DGLUCY: variants seen among roughly 807,000 people sequenced by gnomAD.
DGLUCY encodes the protein D-glutamate cyclase.
DGLUCY carries 58 observed loss-of-function variants against 58.5 expected under a neutral mutation model. The ratio of observed to expected loss-of-function variants is 0.99; its 90% CI spans 0.80 to 1.23. The LOEUF (loss-of-function observed/expected upper bound fraction) is 1.23, where lower values mean the gene tolerates loss of function less well. Ranked by LOEUF, DGLUCY falls within the 50% of genes most tolerant of loss-of-function variation. DGLUCY has a pLI of 0.00. For missense variants in DGLUCY, 779 were observed against 784.7 expected (o/e 0.99, Z 0.09); for synonymous variants, 325 against 314.1 (o/e 1.03, Z -0.37).
upstream of DGLUCY, among the ~76,000 whole-genome samples, chr14:91,110,895 C>T (rs2044681555): frequency 6.6e-6 from 1 of 152,194 alleles, no homozygotes; most frequent in African/African-American, 2.4e-5. Flanking sequence ...ATTTCAGTAA[C>T]TCCTCGTTCT....
At chr14:91,169,671 A>G (rs978722392) in intron 4 of DGLUCY, among the ~76,000 whole-genome samples, 1 of 148,940 alleles carries the variant, frequency 6.7e-6, no homozygotes, top group African/African-American at 2.5e-5. Flanking sequence ...CGGCCTCCCA[A>G]AGTGCTGGGA....
intron 1 of DGLUCY, among the ~76,000 whole-genome samples, chr14:91,141,133 C>G (rs141034950): frequency 0.036 from 5,508 of 152,176 alleles, 135 homozygotes; most frequent in Middle Eastern, 0.065. Flanking sequence ...CACCTATAAT[C>G]CCAGCACTTT....
At chr14:91,123,837 C>T (rs1337140334) in intron 1 of DGLUCY, among the ~76,000 whole-genome samples, 3 of 151,962 alleles carry the variant, frequency 2.0e-5, no homozygotes. Context: ...CTTGGCCTGC[C>T]AAAGTGCTGG....
At chr14:91,185,300 T>TTTTTTTTGG (rs2049442640) in intron 8 of DGLUCY, among the ~76,000 whole-genome samples, 1 of 113,796 alleles carries the variant, frequency 8.8e-6, no homozygotes, top group Non-Finnish European at 1.9e-5. Flanking sequence ...TTTTTTTTTT[T>TTTTTTTTGG]GAGACAGGTT....
chr14:91,084,904 G>GA (rs2044186822), intron 1 of DGLUCY, among the ~76,000 whole-genome samples: 1 of 152,312 alleles, frequency 6.6e-6, no homozygotes, highest in Non-Finnish European at 1.5e-5. Context: ...TTTATCAAGG[G>GA]AGGGTGGTGG....
intron 1 of DGLUCY, among the ~76,000 whole-genome samples, chr14:91,071,446 TCAAC>T (rs1452409487): frequency 6.6e-6 from 1 of 151,910 alleles, no homozygotes; most frequent in Non-Finnish European, 1.5e-5. Context: ...TTGAAATTAT[TCAAC>T]CAAGAGATTA....
chr14:91,130,867 T>C (rs1341608791), intron 1 of DGLUCY, among the ~76,000 whole-genome samples: 6 of 152,322 alleles, frequency 3.9e-5, no homozygotes, highest in Middle Eastern at 6.8e-3. Flanking sequence ...TCCCCATTTT[T>C]TTAATGAAGG....
intron 4 of DGLUCY, chr14:91,167,725 C>T (rs576130260): frequency 2.9e-6 from 2 of 696,138 alleles, no homozygotes; most frequent in Admixed American, 2.0e-5. Flanking sequence ...TTACCAACAC[C>T]CAGAGACAGA....
intron 1 of DGLUCY, among the ~76,000 whole-genome samples, chr14:91,151,291 G>A (rs2047323078): frequency 6.6e-6 from 1 of 152,202 alleles, no homozygotes; most frequent in South Asian, 2.1e-4. Context: ...CCAGGCTGGT[G>A]TGCAGTGGCG....
chr14:91,166,809 A>C (rs535636257), intron 3 of DGLUCY, among the ~76,000 whole-genome samples: 1 of 152,198 alleles, frequency 6.6e-6, no homozygotes, highest in Admixed American at 6.5e-5. Flanking sequence ...CTTTAAAAAA[A>C]TCACAGAGGG....
intron 9 of DGLUCY, among the ~76,000 whole-genome samples, chr14:91,191,829 G>A (rs369270854): frequency 3.3e-5 from 5 of 152,304 alleles, no homozygotes; most frequent in African/African-American, 1.2e-4. Context: ...GTAACTGAAA[G>A]GATGGAGTTG....
intron 1 of DGLUCY, among the ~76,000 whole-genome samples, chr14:91,144,278 C>T (rs2046896134): frequency 6.6e-6 from 1 of 152,126 alleles, no homozygotes; most frequent in Non-Finnish European, 1.5e-5. Flanking sequence ...ATGGTCAAAA[C>T]AGGAAGAGCA....
At chr14:91,077,353 AGAAG>A (rs904105881) in intron 1 of DGLUCY, among the ~76,000 whole-genome samples, 12 of 149,510 alleles carry the variant, frequency 8.0e-5, no homozygotes, top group African/African-American at 2.5e-4. Context: ...AAAGAAAGGG[AGAAG>A]GAAGGGAGGG....
At chr14:91,074,136 C>T (rs1353552532) in intron 1 of DGLUCY, among the ~76,000 whole-genome samples, 11 of 141,206 alleles carry the variant, frequency 7.8e-5, no homozygotes, top group African/African-American at 2.9e-4. Flanking sequence ...CACACACACA[C>T]ACACACACAC....
chr14:91,224,406 A>G lies in DGLUCY; in HGVS notation c.1717-278A>G, dbSNP rs1292008770. On this transcript the variant is annotated intron_variant, in intron 13 of 13. Transcript: ENST00000256324. Reference sequence around the variant, plus strand: ...TAAGAAACTATGTTTCCATTAAAGCATATTATTTAGTTACATAACAGTAAC... The same window carrying G: ...TAAGAAACTATGTTTCCATTAAAGCGTATTATTTAGTTACATAACAGTAAC... Among the ~76,000 whole-genome samples the G allele has an allele frequency of 2.6e-5, 4 of 152,162 alleles. No individual in the cohort carries two copies. The East Asian group carries it at 5.8e-4, about 22-fold the overall frequency.
chr14:91,097,935 C>A (rs2044424235), intron 1 of DGLUCY, among the ~76,000 whole-genome samples: 1 of 152,172 alleles, frequency 6.6e-6, no homozygotes, highest in South Asian at 2.1e-4. Flanking sequence ...AAATGTTTAA[C>A]AACCAGCTTT....
chr14:91,224,157 G>A lies in DGLUCY; in HGVS notation c.1717-527G>A, dbSNP rs1329134271. The stretch of plus-strand genomic sequence containing the variant: ...ACAAAGACTATTGGCAGATAATCCA[G>A]GGCTGGGAGGAACTTATTGGCAGGA... On this transcript the variant is annotated intron_variant, in intron 13 of 13. Transcript: ENST00000256324. 2.0e-5 allele frequency among the ~76,000 whole-genome samples: 3 copies of A among 152,210 alleles called. No individual in the cohort carries two copies. In the East Asian group the frequency reaches 5.8e-4, roughly 29 times the overall value.
At position 91,094,469 on chromosome 14, in the gene DGLUCY, A is replaced by G. The variant is rs117102412; in HGVS notation, c.-82+33765A>G. Among the ~76,000 whole-genome samples, 1,446 of 151,434 alleles carry G rather than the reference A, an allele frequency of 9.5e-3. 78 individuals carry two copies. In the East Asian group the frequency reaches 0.12, roughly 13 times the overall value. ...AAAAGCAACTACAGCCCATGTGGAAACAGGATCCCAGAGGCAGAGGTGACC... is the reference window on the plus strand; with the variant it reads ...AAAAGCAACTACAGCCCATGTGGAAGCAGGATCCCAGAGGCAGAGGTGACC... On this transcript the variant is annotated intron_variant, in intron 1 of 4. Coordinates refer to the DGLUCY transcript ENST00000521334.
intron 1 of DGLUCY, among the ~76,000 whole-genome samples, chr14:91,149,106 G>A (rs1275969183): frequency 3.3e-5 from 5 of 152,040 alleles, no homozygotes; most frequent in African/African-American, 1.2e-4. Context: ...AATTAGCCAG[G>A]CGTGGTGGCG....
Sources: allele counts gnomAD v4.1 joint callset (sites outside exome capture counted in the v4.1 genomes callset), GRCh38; gene constraint gnomAD v4.1.1; transcripts MANE v1.5; gene names NCBI Gene and HGNC (gene_info 2026-07-23, HGNC 2026-07-21).